The following C1orf54 variants were observed in gnomAD, a reference collection of about 807,000 sequenced individuals.
C1orf54 encodes the protein chromosome 1 open reading frame 54, also known as uncharacterized protein C1orf54.
Under a neutral mutation model 14.7 loss-of-function variants are expected in C1orf54, and 12 were observed. The ratio of observed to expected loss-of-function variants is 0.82; its 90% CI spans 0.52 to 1.32. The LOEUF (loss-of-function observed/expected upper bound fraction) is 1.32, where lower values mean the gene tolerates loss of function less well. C1orf54 is among the 40% of genes most tolerant of loss of function. The pLI is 0.00. For synonymous variants in C1orf54, 65 were observed against 56.3 expected, an observed-to-expected ratio of 1.16 and a Z score of -0.70; for missense variants, 163 against 162.2, an observed-to-expected ratio of 1.00 and a Z score of -0.03.
upstream of C1orf54, among the ~76,000 whole-genome samples, chr1:150,271,766 G>A (rs1652219319): frequency 6.6e-6 from 1 of 152,212 alleles, no homozygotes; most frequent in Non-Finnish European, 1.5e-5. Context: ...ATGTGGGAGG[G>A]AAGGTGTGGC....
At chr1:150,275,338 A>AAT (rs1553852203) in intron 2 of C1orf54, among the ~76,000 whole-genome samples, 27 of 140,626 alleles carry the variant, frequency 1.9e-4, no homozygotes, top group East Asian at 4.6e-4. Flanking sequence ...GCCCGGCCAA[A>AAT]TTTTTTTTTT....
intron 4 of C1orf54, among the ~76,000 whole-genome samples, chr1:150,277,977 A>G (rs1395796598): frequency 2.6e-5 from 4 of 152,146 alleles, no homozygotes; most frequent in African/African-American, 9.7e-5. Context: ...CATGCCTGTA[A>G]TCCCAGCTAC....
chr1:150,275,676 T>C (rs781846074), intron 2 of C1orf54, 65 bp from the exon 3 acceptor site: 45 of 1,335,006 alleles, frequency 3.4e-5, no homozygotes, highest in African/African-American at 5.8e-5. Flanking sequence ...TTTCTTCCCT[T>C]TTCATTTCCA....
At chr1:150,279,602 T>C in intron 4 of C1orf54, 41 bp from the exon 5 acceptor site, 4 of 1,552,252 alleles carry the variant, frequency 2.6e-6, no homozygotes, top group Non-Finnish European at 3.5e-6. Context: ...GTAGGAGGAA[T>C]GACACCAGCC....
chr1:150,273,262 A>C (rs1286929856), intron 1 of C1orf54, among the ~76,000 whole-genome samples: 1 of 152,232 alleles, frequency 6.6e-6, no homozygotes, highest in Non-Finnish European at 1.5e-5. Flanking sequence ...ACCTGCTATT[A>C]GTAAAGACAC....
intron 3 of C1orf54, 98 bp from the exon 4 acceptor site, chr1:150,276,424 T>G: frequency 1.1e-6 from 1 of 907,460 alleles, no homozygotes. Flanking sequence ...TTGGGCTGGG[T>G]GGAGGTGGTG....
chr1:150,274,113 C>CT lies in C1orf54; in HGVS notation c.74dup (p.Glu27ArgfsTer3). ...ACAAGAATATGAGGATGAAGAAAGA[C>CT]TGGGAGAGGATGAATATTATCAGGT... is the stretch of plus-strand genomic sequence containing the variant. On this transcript the variant is annotated frameshift_variant, in exon 2 of 6. Coordinates refer to ENST00000369099, the MANE Select transcript of C1orf54 (RefSeq NM_024579.4). LOFTEE classifies it high-confidence loss of function. 6.2e-7 allele frequency: 1 copy of CT among 1,612,384 alleles called. No individual in the cohort carries two copies. The highest frequency in any genetic ancestry group is 1.3e-5 in the African/African-American group (1 of 74,986).
intron 2 of C1orf54, among the ~76,000 whole-genome samples, chr1:150,275,040 A>AG (rs1198439459): frequency 2.7e-5 from 1 of 37,672 alleles, no homozygotes; most frequent in Non-Finnish European, 5.1e-5. Context: ...CTATAGAAAA[A>AG]AAAATTTTTT....
At chr1:150,268,825 GA>G (rs782612047), upstream of C1orf54, 1 of 1,605,676 alleles carries the variant, frequency 6.2e-7, no homozygotes, top group African/African-American at 1.3e-5. Flanking sequence ...GGTCAGGTGG[GA>G]AGGGGGGTGG....
Position 150,275,731 on chromosome 1 carries a change from T to G in C1orf54, c.131-10T>G, listed in dbSNP as rs1652594239. ...CTTTAATTATTACTGATTTTCTTTC[T>G]CCTCTGCAGATGACTTTAGTGCAGA... On this transcript the variant is annotated splice_polypyrimidine_tract_variant and intron_variant, in intron 2 of 5. Transcript: ENST00000369099. 3.1e-6 allele frequency: 5 copies of G among 1,603,250 alleles called. No homozygotes were observed. In the Admixed American group the frequency reaches 6.7e-5, roughly 21 times the overall value.
chr1:150,279,606 A>C, intron 4 of C1orf54, 37 bp from the exon 5 acceptor site: 2 of 1,568,522 alleles, frequency 1.3e-6, no homozygotes, highest in Non-Finnish European at 1.7e-6. Flanking sequence ...GAGGAATGAC[A>C]CCAGCCTACT....
chr1:150,274,053 G>A, intron 1 of C1orf54, 34 bp from the exon 2 acceptor site: 1 of 1,491,908 alleles, frequency 6.7e-7, no homozygotes, highest in Non-Finnish European at 9.3e-7. Flanking sequence ...AGGTGTTCCA[G>A]ATGTCCCTTG....
upstream of C1orf54, among the ~76,000 whole-genome samples, chr1:150,271,448 T>C (rs1167393571): frequency 6.6e-6 from 1 of 152,224 alleles, no homozygotes; most frequent in Non-Finnish European, 1.5e-5. Context: ...CTTCTGACCA[T>C]TGACAGGAGG....
rs782525413 is a variant in C1orf54, at chr1:150,276,607, CTG to C, written c.278_279del (p.Val93GlufsTer8). 6.2e-7 allele frequency: 1 copy of C among 1,614,030 alleles called. No individual in the cohort carries two copies. The highest frequency in any genetic ancestry group is 2.2e-5 in the East Asian group (1 of 44,884). On this transcript the variant is annotated frameshift_variant, in exon 4 of 6. Coordinates refer to ENST00000369099, the MANE Select transcript of C1orf54 (RefSeq NM_024579.4). LOFTEE classifies it high-confidence loss of function. ...CGTGCAGACCATCCGAAGCCTGTAA[CTG>C]TGAAACCAGTAACAACGGAACCTGT...
Position 150,272,802 on chromosome 1 carries a change from T to C in C1orf54, c.-16T>C. On this transcript the variant is annotated 5_prime_UTR_variant, in exon 1 of 6. Coordinates refer to ENST00000369099, the MANE Select transcript of C1orf54 (RefSeq NM_024579.4). ...ATTTCCTTTTTTACTTTCACAGCAATAGTGCAGAATCCAGAATGGATGTCC... is the reference window on the plus strand; with the variant it reads ...ATTTCCTTTTTTACTTTCACAGCAACAGTGCAGAATCCAGAATGGATGTCC... 6.2e-7 allele frequency: 1 copy of C among 1,613,990 alleles called. No individual in the cohort carries two copies. The highest frequency in any genetic ancestry group is 8.5e-7 in the Non-Finnish European group (1 of 1,179,916).
chr1:150,272,425 A>G (rs374302881), upstream of C1orf54: 131 of 197,428 alleles, frequency 6.6e-4, no homozygotes, highest in African/African-American at 2.9e-3. Context: ...TAAGTCAGAG[A>G]CAGTGAGAGG....
intron 5 of C1orf54, among the ~76,000 whole-genome samples, 181 bp downstream of exon 5, chr1:150,279,922 C>T (rs587717766): frequency 2.9e-4 from 44 of 152,086 alleles, no homozygotes; most frequent in South Asian, 2.1e-4. Flanking sequence ...GGGATGGTGA[C>T]GTGGGAGGAT....
At chr1:150,277,780 T>C (rs1189481692) in intron 4 of C1orf54, among the ~76,000 whole-genome samples, 1 of 152,090 alleles carries the variant, frequency 6.6e-6, no homozygotes, top group Non-Finnish European at 1.5e-5. Context: ...TTCATTATGG[T>C]AAAAACACGA....
chr1:150,271,909 C>G (rs1652227804), upstream of C1orf54, among the ~76,000 whole-genome samples: 1 of 152,150 alleles, frequency 6.6e-6, no homozygotes, highest in Admixed American at 6.6e-5. Flanking sequence ...GAGGCCAAGA[C>G]AGGTGGATCA....
Sources: allele counts gnomAD v4.1 joint callset (sites outside exome capture counted in the v4.1 genomes callset), GRCh38; gene constraint gnomAD v4.1.1; transcripts MANE v1.5; gene names NCBI Gene and HGNC (gene_info 2026-07-23, HGNC 2026-07-21).